The following EEA1 variants were observed in gnomAD, a reference collection of about 807,000 sequenced individuals.
EEA1 encodes early endosome antigen 1.
In EEA1, 111 loss-of-function variants were observed where a neutral mutation model predicts 209.2. That is an observed-to-expected ratio of 0.53 (90% CI 0.45 to 0.62). EEA1 has a LOEUF of 0.62. Among genes scored for constraint, EEA1 ranks in the 20% least tolerant of loss-of-function variants. The pLI, the probability that EEA1 is intolerant of heterozygous loss-of-function variation, is 0.00. For missense variants in EEA1, 1,343 were observed against 1,530.8 expected, an observed-to-expected ratio of 0.88 and a Z score of 2.05; for synonymous variants, 536 against 540.6, an observed-to-expected ratio of 0.99 and a Z score of 0.12.
At chr12:92,791,690 T>C (rs909383894) in intron 21 of EEA1, among the ~76,000 whole-genome samples, 7 of 152,098 alleles carry the variant, frequency 4.6e-5, no homozygotes, top group African/African-American at 1.4e-4. Flanking sequence ...CTTTAACACC[T>C]CGCTGTCAAT....
chr12:92,858,164 C>A, intron 3 of EEA1: 1 of 633,772 alleles, frequency 1.6e-6, no homozygotes, highest in Non-Finnish European at 3.0e-6. Context: ...GGGGGAAGGC[C>A]CACCCAGATA....
intron 9 of EEA1, 57 bp from the exon 10 acceptor site, chr12:92,842,638 A>C: frequency 9.2e-7 from 1 of 1,081,638 alleles, no homozygotes; most frequent in Non-Finnish European, 1.3e-6. Context: ...AAAAGATAAA[A>C]AAAATGAAAG....
chr12:92,836,107 G>A (rs1592728465), intron 10 of EEA1, among the ~76,000 whole-genome samples: 1 of 152,250 alleles, frequency 6.6e-6, no homozygotes, highest in East Asian at 1.9e-4. Context: ...ATATGAGATA[G>A]AGATTTACAG....
chr12:92,832,774 C>T lies in EEA1; in HGVS notation c.992G>A (p.Ser331Asn), dbSNP rs1432855786. 2 of 1,613,888 alleles carry T rather than the reference C, an allele frequency of 1.2e-6. No individual in the cohort carries two copies. The highest frequency in any genetic ancestry group is 1.7e-5 in the Admixed American group (1 of 60,012). ...AAGGGTTGCCTGAATATTCTTTTTA[C>T]TCACAGATTCTTCATTATGTTTCTC... ...LEEKHNEESV[S>N]KKNIQATLHQ... Residue 331 changes from serine (S) to asparagine (N), a missense_variant, in exon 11 of 29, where the codon AGT (serine) becomes AAT (asparagine). Around this residue, in one of 3 missense-constraint regions of EEA1, gnomAD observed 1,307 missense variants for 1,465.5 expected, o/e 0.89. Transcript: ENST00000322349.
At chr12:92,808,478 ATTTTTTT>A (rs775633861) in intron 18 of EEA1, among the ~76,000 whole-genome samples, 1 of 139,104 alleles carries the variant, frequency 7.2e-6, no homozygotes, top group Non-Finnish European at 1.6e-5. Flanking sequence ...AGCTGAGGTT[ATTTTTTT>A]TTTTTTTTTC....
chr12:92,896,337 A>C (rs1002806763), intron 1 of EEA1, among the ~76,000 whole-genome samples: 1 of 152,188 alleles, frequency 6.6e-6, no homozygotes, highest in Non-Finnish European at 1.5e-5. Context: ...TGAGCAAAGA[A>C]GGTGGTTCCT....
At chr12:92,823,719 C>T (rs1281172852) in intron 13 of EEA1, among the ~76,000 whole-genome samples, 2 of 152,188 alleles carry the variant, frequency 1.3e-5, no homozygotes, top group South Asian at 2.1e-4. Context: ...AGAATTTAAA[C>T]TTATTGGAAA....
intron 23 of EEA1, among the ~76,000 whole-genome samples, chr12:92,781,171 G>A (rs541958932): frequency 1.2e-4 from 18 of 152,154 alleles, no homozygotes; most frequent in African/African-American, 3.9e-4. Flanking sequence ...TGGTCTCTGG[G>A]AGTGCTGAGA....
intron 6 of EEA1, 125 bp downstream of exon 6, chr12:92,853,790 C>T (rs1374001395): frequency 9.1e-6 from 6 of 660,498 alleles, no homozygotes; most frequent in Non-Finnish European, 1.4e-5. Flanking sequence ...ATTATCTTCA[C>T]TGTTTTAGAG....
At chr12:92,876,714 A>G (rs188778660) in intron 2 of EEA1, among the ~76,000 whole-genome samples, 1 of 152,212 alleles carries the variant, frequency 6.6e-6, no homozygotes, top group East Asian at 1.9e-4. Context: ...GAAAAGCCCA[A>G]GAAAAGAAAA....
rs116218880 is a variant in EEA1 at position 92,911,395 on chromosome 12, A to G, written c.24+17648T>C. Among the ~76,000 whole-genome samples the G allele has an allele frequency of 8.1e-3, 1,228 of 152,346 alleles. 15 individuals carry two copies. Among genetic ancestry groups the G allele is most frequent in the African/African-American group, 0.027 (1,135 of 41,572 alleles). On this transcript the variant is annotated intron_variant, in intron 1 of 28. Coordinates refer to ENST00000322349, the MANE Select transcript of EEA1 (RefSeq NM_003566.4). ...TGAAAGGAGCCAATCTGAAAATGCT[A>G]CATACTGTAAGATTCCAATTATATG...
chr12:92,815,355 G>T (rs971475842), intron 15 of EEA1, among the ~76,000 whole-genome samples: 132 of 152,218 alleles, frequency 8.7e-4, no homozygotes, highest in African/African-American at 2.9e-3. Context: ...ATTGTCACTA[G>T]ACTCCCATTC....
intron 9 of EEA1, among the ~76,000 whole-genome samples, chr12:92,846,019 G>A (rs1877375979): frequency 6.6e-6 from 1 of 152,048 alleles, no homozygotes; most frequent in Non-Finnish European, 1.5e-5. Context: ...ACAAAATAAG[G>A]AAAGATATTT....
At chr12:92,904,538 A>T (rs1454876249) in intron 1 of EEA1, among the ~76,000 whole-genome samples, 3 of 152,198 alleles carry the variant, frequency 2.0e-5, no homozygotes, top group Non-Finnish European at 4.4e-5. Context: ...AGACTAAGGG[A>T]TCAGTCCCTT....
chr12:92,883,316 T>C (rs1285313955), intron 2 of EEA1, among the ~76,000 whole-genome samples: 5 of 152,242 alleles, frequency 3.3e-5, no homozygotes, highest in African/African-American at 1.2e-4. Flanking sequence ...CTTTGATATC[T>C]GCAAACTTGG....
intron 22 of EEA1, among the ~76,000 whole-genome samples, chr12:92,787,013 T>C (rs1480548770): frequency 6.6e-6 from 1 of 152,178 alleles, no homozygotes; most frequent in Non-Finnish European, 1.5e-5. Flanking sequence ...GGAGTCTCTG[T>C]GTATTCAAAT....
At chr12:92,863,234 AC>A (rs1352404695) in intron 3 of EEA1, among the ~76,000 whole-genome samples, 1 of 152,194 alleles carries the variant, frequency 6.6e-6, no homozygotes, top group Admixed American at 6.5e-5. Flanking sequence ...CCTTTCCTAT[AC>A]TAATCCACTA....
intron 1 of EEA1, among the ~76,000 whole-genome samples, chr12:92,918,480 T>C (rs1474666891): frequency 8.2e-6 from 1 of 121,690 alleles, no homozygotes; most frequent in Non-Finnish European, 1.7e-5. Context: ...CTGAACAACC[T>C]GCTCCTGAAT....
intron 2 of EEA1, among the ~76,000 whole-genome samples, chr12:92,888,381 C>A (rs1389172332): frequency 2.0e-5 from 3 of 152,038 alleles, no homozygotes; most frequent in Non-Finnish European, 4.4e-5. Context: ...GAGATCAAGA[C>A]CATCCTGGCT....
Sources: allele counts gnomAD v4.1 joint callset (sites outside exome capture counted in the v4.1 genomes callset), GRCh38; gene constraint gnomAD v4.1.1; regional missense constraint gnomAD v4.1.1; transcripts MANE v1.5; gene names NCBI Gene and HGNC (gene_info 2026-07-23, HGNC 2026-07-21).